The following SRCAP variants were observed in gnomAD, a reference collection of about 807,000 sequenced individuals.
The protein encoded by SRCAP is chromatin remodeling protein SRCAP.
A neutral mutation model predicts 263.1 loss-of-function variants in SRCAP; 46 were observed. The observed-to-expected ratio is 0.17, with a 90% CI of 0.14 to 0.22. The LOEUF (loss-of-function observed/expected upper bound fraction) is 0.22. Ranked by LOEUF, SRCAP falls within the 10% of genes least tolerant of loss-of-function variation. The probability of loss-of-function intolerance (pLI) is 1.00; values close to 1 mark genes in which losing one functional copy is unlikely to be tolerated. For missense variants in SRCAP, 3,695 were observed against 4,181.9 expected (o/e 0.88, Z 3.21); for synonymous variants, 1,813 against 1,662.1 (o/e 1.09, Z -2.21).
At position 30,720,152 on chromosome 16, in the gene SRCAP, C is replaced by T. The variant is rs2052996403; in HGVS notation, c.2818-10C>T. 6.3e-7 allele frequency: 1 copy of T among 1,598,588 alleles called. No homozygotes were observed. The highest frequency in any genetic ancestry group is 8.6e-7 in the Non-Finnish European group (1 of 1,167,360). ...TCTTCTTTATGACTGTGCTTTCTTTCTTGTGGCAGCGGATAGACATGGGTC... is the reference window on the plus strand; with the variant it reads ...TCTTCTTTATGACTGTGCTTTCTTTTTTGTGGCAGCGGATAGACATGGGTC... On this transcript the variant is annotated splice_polypyrimidine_tract_variant and intron_variant, in intron 18 of 33. Transcript: ENST00000262518.
chr16:30,734,085 G>A, intron 30 of SRCAP, 77 bp downstream of exon 30: 1 of 1,292,142 alleles, frequency 7.7e-7, no homozygotes. Flanking sequence ...TATTAAAGAA[G>A]ACTGCTTTGG....
At position 30,720,970 on chromosome 16, in the gene SRCAP, T is replaced by C; in HGVS notation, c.3245T>C (p.Leu1082Pro). The stretch of plus-strand genomic sequence containing the variant: ...CCACTGCAGCCCAACAGTGGTTCTC[T>C]CCCCCAGGGTGAGTTGAAAGGGAGC... Reference protein sequence around the residue: ...LPPLQPNSGSLPQVLPSPLGV... With the variant: ...LPPLQPNSGSPPQVLPSPLGV... The change falls in exon 20 of 34, where the codon CTC becomes CCC. Residue 1082 changes from leucine (L) to proline (P), a missense_variant. Physicochemically the swap from Leu to Pro is moderately conservative, Grantham distance 98. Coordinates refer to ENST00000262518, the MANE Select transcript of SRCAP (RefSeq NM_006662.3). 1.2e-6 allele frequency: 2 copies of C among 1,601,192 alleles called. No individual in the cohort carries two copies. Among genetic ancestry groups the C allele is most frequent in the East Asian group, 2.2e-5 (1 of 44,798 alleles).
At chr16:30,727,312 A>G (rs931117723) in intron 25 of SRCAP, among the ~76,000 whole-genome samples, 4 of 152,202 alleles carry the variant, frequency 2.6e-5, no homozygotes, top group Admixed American at 2.6e-4. Flanking sequence ...TGCCCTTTTA[A>G]AATGGGTTGT....
At chr16:30,730,516 C>G (rs1253955085) in intron 27 of SRCAP, among the ~76,000 whole-genome samples, 2 of 152,070 alleles carry the variant, frequency 1.3e-5, no homozygotes, top group African/African-American at 2.4e-5. Flanking sequence ...ACTGCAACTT[C>G]CGCCTCCTGG....
At chr16:30,735,800 C>G (rs1009254824) in intron 31 of SRCAP, among the ~76,000 whole-genome samples, 9 of 151,700 alleles carry the variant, frequency 5.9e-5, no homozygotes, top group African/African-American at 2.2e-4. Flanking sequence ...AGGCTGGTCT[C>G]GAACTCCTGA....
chr16:30,712,812 G>T lies in SRCAP; in HGVS notation c.2127G>T (p.Arg709=). The T allele has an allele frequency of 1.2e-6, 2 of 1,614,078 alleles. No homozygotes were observed. The highest frequency in any genetic ancestry group is 1.7e-6 in the Non-Finnish European group (2 of 1,180,006). The change falls in exon 14 of 34, where the codon CGG becomes CGT. Residue 709 remains arginine, a synonymous_variant. Coordinates refer to ENST00000262518, the MANE Select transcript of SRCAP (RefSeq NM_006662.3). ...CCCAGAAAGAGAGGAAGCTCAAGCG[G>T]CAGGTTCGATGTTTCATGTGGTCAC... ...YGAQKERKLK[R]QGWTKPNAFH... is the part of the protein sequence containing the mutation.
chr16:30,723,154 C>G lies in SRCAP; in HGVS notation c.4084C>G (p.Arg1362Gly), dbSNP rs2053028220. The G allele has an allele frequency of 3.7e-6, 6 of 1,614,104 alleles. No homozygotes were observed. The highest frequency in any genetic ancestry group is 1.3e-5 in the African/African-American group (1 of 75,022). ...RLPTPTLGTA[R>G]APMPTPTLVR... ...ACCCACACCTACTCTGGGTACTGCT[C>G]GAGCCCCCATGCCCACACCCACTCT... is the stretch of plus-strand genomic sequence containing the variant. Residue 1362 changes from arginine (R) to glycine (G), a missense_variant, in exon 24 of 34, where the codon CGA becomes GGA. Physicochemically the swap from Arg to Gly is moderately radical, Grantham distance 125. Coordinates refer to ENST00000262518, the MANE Select transcript of SRCAP (RefSeq NM_006662.3).
intron 18 of SRCAP, among the ~76,000 whole-genome samples, chr16:30,719,279 G>A (rs2052986140): frequency 2.0e-5 from 3 of 151,614 alleles, no homozygotes; most frequent in East Asian, 1.9e-4. Context: ...GCAGTGGCAC[G>A]ATCTTGGCTC....
At chr16:30,716,573 T>A in intron 18 of SRCAP, 94 bp downstream of exon 18, 1 of 1,053,928 alleles carries the variant, frequency 9.5e-7, no homozygotes, top group Non-Finnish European at 1.4e-6. Context: ...GACTTTTGCA[T>A]CCTCATGACT....
chr16:30,738,149 C>T lies in SRCAP; in HGVS notation c.8109C>T (p.Thr2703=), dbSNP rs761743368. 2.5e-6 allele frequency: 4 copies of T among 1,614,190 alleles called. No individual in the cohort carries two copies. In the South Asian group the frequency reaches 3.3e-5, roughly 13 times the overall value. Residue 2703 remains threonine, a synonymous_variant, in exon 34 of 34, where the codon ACC becomes ACT. Coordinates refer to ENST00000262518, the MANE Select transcript of SRCAP (RefSeq NM_006662.3). ...LVTAEVAAPS[T]SSSATSSPEG... ...CAGCTGAGGTTGCAGCTCCATCCAC[C>T]TCATCTTCAGCCACTTCCTCGCCTG...
At position 30,733,946 on chromosome 16, in the gene SRCAP, A is replaced by T. The variant is rs1397745258; in HGVS notation, c.6547A>T (p.Lys2183Ter). 6.2e-7 allele frequency: 1 copy of T among 1,613,918 alleles called. No individual in the cohort carries two copies. ...GAACATCCTAAAAAAGGCAAATCAG[A>T]AGAGAATGTTGGGGGACATGGCCAT... ...EENILKKANQ[K>*]RMLGDMAIEG... is the part of the protein sequence containing the mutation. Residue 2183 changes from lysine (K) to a stop codon, truncating the protein, a stop_gained, in exon 30 of 34, where the codon AAG (lysine) becomes TAG (stop). Transcript: ENST00000262518. LOFTEE classifies it high-confidence loss of function. The surrounding 1 kb of genome is among the most constrained non-coding windows in gnomAD (Gnocchi z 5.3).
rs200756772 is a variant in SRCAP, at chr16:30,724,743, A to G, written c.5319A>G (p.Ala1773=). Residue 1773 remains alanine, a synonymous_variant, in exon 25 of 34, where the codon GCA becomes GCG. Coordinates refer to ENST00000262518, the MANE Select transcript of SRCAP (RefSeq NM_006662.3). ...APAHTLTLAP[A]SSSASLLAPA... is the part of the protein sequence containing the mutation. ...CTCACACGCTGACTTTGGCTCCAGC[A>G]TCGTCATCTGCTTCACTCCTGGCCC... The G allele has an allele frequency of 6.2e-7, 1 of 1,613,980 alleles. No individual in the cohort carries two copies. The highest frequency in any genetic ancestry group is 1.7e-5 in the Admixed American group (1 of 60,006).
At position 30,739,012 on chromosome 16, in the gene SRCAP, A is replaced by G. The variant is rs2151301111; in HGVS notation, c.8972A>G (p.Asn2991Ser). 1 of 1,614,122 alleles carries G rather than the reference A, an allele frequency of 6.2e-7. No individual in the cohort carries two copies. Among genetic ancestry groups the G allele is most frequent in the Non-Finnish European group, 8.5e-7 (1 of 1,180,000 alleles). Residue 2991 changes from asparagine to serine, a missense_variant, in exon 34 of 34, where the codon AAC becomes AGC. This residue lies in a region of SRCAP where 1,207 missense variants were observed against 1,142.9 expected (regional missense o/e 1.06). Transcript: ENST00000262518. ...LLVCPTATVA[N>S]TVTTVTISTS... ...GTTTGTCCCACTGCTACTGTTGCCA[A>G]CACTGTCACCACTGTCACCATTTCA...
At chr16:30,712,227 T>G (rs2052899701) in intron 12 of SRCAP, 35 bp from the exon 13 acceptor site, 1 of 1,596,640 alleles carries the variant, frequency 6.3e-7, no homozygotes, top group African/African-American at 1.3e-5. Context: ...AAATGCCTCA[T>G]TTCCATTGTG....
chr16:30,703,167 A>ATATATATATATG (rs1178099261), intron 3 of SRCAP, among the ~76,000 whole-genome samples: 13 of 150,256 alleles, frequency 8.7e-5, no homozygotes, highest in African/African-American at 3.2e-4. Flanking sequence ...ATATATATAT[A>ATATATATATATG]TGTATGTATA....
In SRCAP at chr16:30,739,371, G is replaced by T. The variant is rs759840382; in HGVS notation, c.9331G>T (p.Val3111Phe). ...CGGGTTGGAATTGACACCACCTGTG[G>T]TCTCACTAACCCCAAAACTGCGCTC... ...PGGLELTPPV[V>F]SLTPKLRSTR... The change falls in exon 34 of 34, where the codon GTC (valine) becomes TTC (phenylalanine). Residue 3111 changes from valine (V) to phenylalanine (F), a missense_variant. Transcript: ENST00000262518. The T allele has an allele frequency of 6.2e-7, 1 of 1,614,218 alleles. No homozygotes were observed. The highest frequency in any genetic ancestry group is 8.5e-7 in the Non-Finnish European group (1 of 1,180,026).
rs1402301701 is a variant in SRCAP, at chr16:30,733,506, C to T, written c.6297+57C>T. ...CACCTCCGCTTCTCTCTCCTTTTCC[C>T]AGGATTTGGGCTTCCAGACGGGGTG... On this transcript the variant is annotated intron_variant, in intron 28 of 33. Coordinates refer to ENST00000262518, the MANE Select transcript of SRCAP (RefSeq NM_006662.3). The surrounding 1 kb of genome is among the most constrained non-coding windows in gnomAD (Gnocchi z 5.3). The T allele has an allele frequency of 6.2e-6, 10 of 1,608,412 alleles. No homozygotes were observed. The highest frequency in any genetic ancestry group is 3.4e-5 in the Admixed American group (2 of 59,628).
At position 30,740,348 on chromosome 16, in the gene SRCAP, C is replaced by G. The variant is rs1431815446; in HGVS notation, c.*615C>G. 2 of 152,240 alleles carry G rather than the reference C, an allele frequency of 1.3e-5. No homozygotes were observed. Among genetic ancestry groups the G allele is most frequent in the Non-Finnish European group, 2.9e-5 (2 of 68,048 alleles). The allele number at this position is 152,240 out of a possible 1,614,324, so 9.4% of individuals were successfully genotyped here. A position where few individuals can be genotyped will look rare whatever the true frequency, so the allele number is the denominator to read the frequency against. Reference sequence around the variant, plus strand: ...CCAGTCAGTTTGAAGTCACAGATATCCTTTTCCTCTCATTTCTTTTCCCTC... The same window carrying G: ...CCAGTCAGTTTGAAGTCACAGATATGCTTTTCCTCTCATTTCTTTTCCCTC... On this transcript the variant is annotated 3_prime_UTR_variant, in exon 34 of 34. Transcript: ENST00000262518.
chr16:30,715,966 A>G (rs2052944843), intron 16 of SRCAP, 100 bp from the exon 17 acceptor site: 7 of 1,479,990 alleles, frequency 4.7e-6, no homozygotes, highest in Middle Eastern at 2.4e-4. Context: ...GGTGTCTGAT[A>G]TGGTGTGCCG....
Sources: gnomAD v4.1 joint callset for allele counts (sites outside exome capture counted in the v4.1 genomes callset) on GRCh38, gnomAD v4.1.1 for gene constraint, gnomAD v4.1.1 regional missense constraint, Gnocchi (gnomAD v3.1) non-coding constraint, MANE v1.5 for transcripts, NCBI Gene and HGNC (gene_info 2026-07-23, HGNC 2026-07-21) for gene names.